Variants in NKAIN3 observed in about 807,000 individuals in gnomAD.
NKAIN3 encodes the protein sodium/potassium-transporting ATPase subunit beta-1-interacting protein 3.
NKAIN3 carries 25 observed loss-of-function variants against 30.2 expected under a neutral mutation model. The observed-to-expected ratio is 0.83, with a 90% CI of 0.60 to 1.16. The LOEUF is 1.16. Ranked by LOEUF, NKAIN3 falls within the 50% of genes most tolerant of loss-of-function variation. NKAIN3 has a pLI of 0.00. For synonymous variants in NKAIN3, 91 were observed against 89.6 expected (o/e 1.02, Z -0.09); for missense variants, 225 against 254.1 (o/e 0.89, Z 0.78).
At chr8:62,961,697 CA>C (rs750095850) in intron 6 of NKAIN3, among the ~76,000 whole-genome samples, 3 of 151,902 alleles carry the variant, frequency 2.0e-5, no homozygotes, top group Non-Finnish European at 4.4e-5. Flanking sequence ...CAATTCTTGA[CA>C]AAATGTTAAC....
chr8:62,390,965 G>T (rs548797241), intron 1 of NKAIN3, among the ~76,000 whole-genome samples: 48 of 152,240 alleles, frequency 3.2e-4, no homozygotes, highest in African/African-American at 1.1e-3. Context: ...TGCATAGTTT[G>T]CAAAATTTTT....
Position 62,623,439 on chromosome 8 carries a change from G to A in NKAIN3, c.273+33645G>A, listed in dbSNP as rs758777299. Among the ~76,000 whole-genome samples the A allele has an allele frequency of 6.6e-5, 10 of 152,050 alleles. No individual in the cohort carries two copies. The South Asian group carries it at 2.1e-3, about 32-fold the overall frequency. On this transcript the variant is annotated intron_variant, in intron 3 of 6. Coordinates refer to ENST00000623646, the MANE Select transcript of NKAIN3 (RefSeq NM_001304533.3). ...TCCTCTATCCCATCCTTATACCATT[G>A]CTGTCATTTCTTTCACTTATACATA...
rs551330861 is a variant in NKAIN3 at position 62,704,123 on chromosome 8, T to C, written c.274-42809T>C. 7.9e-5 allele frequency among the ~76,000 whole-genome samples: 12 copies of C among 152,320 alleles called. No individual in the cohort carries two copies. In the East Asian group the frequency reaches 2.3e-3, roughly 29 times the overall value. ...TTCCTCTGTTCCAGGAACATCCATATTTGGTTACCCATCTTCCCTGGTTGA... is the reference window on the plus strand; with the variant it reads ...TTCCTCTGTTCCAGGAACATCCATACTTGGTTACCCATCTTCCCTGGTTGA... On this transcript the variant is annotated intron_variant, in intron 3 of 6. Coordinates refer to ENST00000623646, the MANE Select transcript of NKAIN3 (RefSeq NM_001304533.3).
intron 1 of NKAIN3, among the ~76,000 whole-genome samples, chr8:62,534,865 T>G (rs1808604502): frequency 6.6e-6 from 1 of 151,500 alleles, no homozygotes; most frequent in Non-Finnish European, 1.5e-5. Flanking sequence ...TTATTGGTTT[T>G]TTTTTTTTTC....
intron 4 of NKAIN3, among the ~76,000 whole-genome samples, chr8:62,884,498 C>T (rs750786609): frequency 2.2e-4 from 34 of 152,190 alleles, no homozygotes; most frequent in Non-Finnish European, 4.6e-4. Flanking sequence ...CTCAAGTGAT[C>T]TGCCCACCTC....
intron 1 of NKAIN3, among the ~76,000 whole-genome samples, chr8:62,517,704 C>A (rs1585897156): frequency 1.3e-5 from 2 of 152,126 alleles, no homozygotes; most frequent in Admixed American, 6.6e-5. Context: ...TCACCCATAA[C>A]ACAAAATCCT....
chr8:62,292,155 G>A (rs964575807), intron 1 of NKAIN3, among the ~76,000 whole-genome samples: 1 of 151,702 alleles, frequency 6.6e-6, no homozygotes, highest in Non-Finnish European at 1.5e-5. Flanking sequence ...TGGGTCTCCT[G>A]AATGCAGCAC....
chr8:62,963,483 A>C (rs1823627669), intron 6 of NKAIN3, among the ~76,000 whole-genome samples: 1 of 152,188 alleles, frequency 6.6e-6, no homozygotes, highest in Admixed American at 6.5e-5. Context: ...GATACCTACA[A>C]GTTCCCCCAA....
chr8:62,856,277 T>A, intron 4 of NKAIN3: 1 of 929,084 alleles, frequency 1.1e-6, no homozygotes, highest in Non-Finnish European at 1.8e-6. Flanking sequence ...GAGAGCCCTC[T>A]GGACCAGATT....
intron 1 of NKAIN3, among the ~76,000 whole-genome samples, chr8:62,332,230 AG>A (rs1242346731): frequency 6.6e-6 from 1 of 151,880 alleles, no homozygotes; most frequent in East Asian, 1.9e-4. Context: ...ACTTCGTTAA[AG>A]GTCAGTGAGA....
At chr8:62,879,081 C>T (rs1188830425) in intron 4 of NKAIN3, among the ~76,000 whole-genome samples, 2 of 152,146 alleles carry the variant, frequency 1.3e-5, no homozygotes, top group African/African-American at 2.4e-5. Flanking sequence ...CCTGAGGAAT[C>T]GCCACACTGA....
intron 1 of NKAIN3, among the ~76,000 whole-genome samples, chr8:62,528,351 A>ATATAT (rs1300724479): frequency 5.9e-5 from 3 of 50,842 alleles, no homozygotes; most frequent in African/African-American, 2.1e-4. Context: ...ATATATATAT[A>ATATAT]TATGACTTTT....
chr8:62,655,891 A>G (rs1290161365), intron 3 of NKAIN3, among the ~76,000 whole-genome samples: 2 of 152,146 alleles, frequency 1.3e-5, no homozygotes, highest in Non-Finnish European at 2.9e-5. Context: ...ATCATGAGCA[A>G]ATATAGGGTA....
chr8:62,952,365 T>C (rs114811569), intron 5 of NKAIN3, among the ~76,000 whole-genome samples: 3,497 of 152,284 alleles, frequency 0.023, 55 homozygotes, highest in South Asian at 0.032. Context: ...AAAGCCACAC[T>C]ATTTTACCAA....
chr8:62,615,002 C>G (rs1257993646), intron 3 of NKAIN3, among the ~76,000 whole-genome samples: 1 of 152,170 alleles, frequency 6.6e-6, no homozygotes, highest in East Asian at 1.9e-4. Context: ...CCCTGAGGCT[C>G]TGCTGGTACC....
chr8:62,885,783 A>G (rs1374457768), intron 4 of NKAIN3, among the ~76,000 whole-genome samples: 1 of 152,168 alleles, frequency 6.6e-6, no homozygotes, highest in Non-Finnish European at 1.5e-5. Context: ...GGCTCTGTCA[A>G]TAATTATTAT....
At chr8:62,720,009 C>CGCCT (rs1385383202) in intron 3 of NKAIN3, among the ~76,000 whole-genome samples, 1 of 151,896 alleles carries the variant, frequency 6.6e-6, no homozygotes, top group Non-Finnish European at 1.5e-5. Flanking sequence ...CGCCCGCCTC[C>CGCCT]GCCTGCCAAA....
chr8:62,869,462 A>G (rs1820524704), intron 4 of NKAIN3, among the ~76,000 whole-genome samples: 1 of 152,214 alleles, frequency 6.6e-6, no homozygotes, highest in African/African-American at 2.4e-5. Flanking sequence ...TGCTTTTAAA[A>G]TATTTGAAAG....
At chr8:62,546,908 C>T (rs1272724476) in intron 1 of NKAIN3, among the ~76,000 whole-genome samples, 1 of 152,130 alleles carries the variant, frequency 6.6e-6, no homozygotes, top group Non-Finnish European at 1.5e-5. Context: ...GCCAAGGTAG[C>T]ATATGGTTTT....
Sources: gnomAD v4.1 joint callset for allele counts (sites outside exome capture counted in the v4.1 genomes callset) on GRCh38, gnomAD v4.1.1 for gene constraint, MANE v1.5 for transcripts, NCBI Gene and HGNC (gene_info 2026-07-23, HGNC 2026-07-21) for gene names.